The following BEAN1 variants were observed in gnomAD, a reference collection of about 807,000 sequenced individuals.
The protein encoded by BEAN1 is brain expressed associated with NEDD4 1, also known as protein BEAN1.
In BEAN1, 17 loss-of-function variants were observed where a neutral mutation model predicts 17.7. The observed-to-expected ratio is 0.96, with a 90% confidence interval of 0.66 to 1.44. The LOEUF (loss-of-function observed/expected upper bound fraction) is 1.44. BEAN1 is among the 40% of genes most tolerant of loss of function. BEAN1 has a pLI of 0.00. For missense variants in BEAN1, 359 were observed against 374.1 expected (o/e 0.96, Z 0.33); for synonymous variants, 142 against 151.8 (o/e 0.94, Z 0.47).
downstream of BEAN1, among the ~76,000 whole-genome samples, chr16:66,495,096 T>A (rs1314471423): frequency 6.6e-6 from 1 of 152,172 alleles, no homozygotes; most frequent in African/African-American, 2.4e-5. Context: ...CCACACCACT[T>A]TCAGTCCTTA....
At chr16:66,485,010 G>T (rs534749384), downstream of BEAN1, 74 of 454,038 alleles carry the variant, frequency 1.6e-4, no homozygotes, top group Non-Finnish European at 2.6e-4. Flanking sequence ...GGGTCCCCGT[G>T]TATGGGTGTG....
chr16:66,438,010 A>C (rs1298884269), intron 2 of BEAN1: 19 of 441,866 alleles, frequency 4.3e-5, no homozygotes, highest in Admixed American at 3.2e-4. Flanking sequence ...AAAAGACTAC[A>C]TGGCCAAGTA....
intron 2 of BEAN1, among the ~76,000 whole-genome samples, chr16:66,445,935 C>A (rs1049028864): frequency 2.6e-5 from 4 of 152,176 alleles, no homozygotes; most frequent in African/African-American, 9.7e-5. Flanking sequence ...GTAATCCCAG[C>A]ACTTTGGGAG....
intron 2 of BEAN1, among the ~76,000 whole-genome samples, chr16:66,438,718 G>A (rs535739940): frequency 8.5e-5 from 13 of 152,062 alleles, no homozygotes; most frequent in South Asian, 8.3e-4. Context: ...GTCTCCACCC[G>A]CTTGACTCAT....
intron 2 of BEAN1, among the ~76,000 whole-genome samples, chr16:66,444,546 A>C (rs1962374042): frequency 6.6e-6 from 1 of 152,108 alleles, no homozygotes; most frequent in African/African-American, 2.4e-5. Context: ...TGAAATTTGC[A>C]ATTGTTGGCA....
chr16:66,439,686 A>G (rs540895072), intron 2 of BEAN1, among the ~76,000 whole-genome samples: 2 of 152,296 alleles, frequency 1.3e-5, no homozygotes, highest in South Asian at 4.1e-4. Flanking sequence ...CCAAAGACCC[A>G]ATACCTAGCA....
rs1961614216 is a variant in BEAN1 at position 66,427,324 on chromosome 16, C to G, written c.-190C>G. On this transcript the variant is annotated 5_prime_UTR_variant, in exon 1 of 5. Transcript: ENST00000536005. The surrounding 1 kb of genome is among the most constrained non-coding windows in gnomAD (Gnocchi z 4.7). Reference sequence around the variant, plus strand: ...CGCCCGAGCCCGAGCGCAGTGGCCTCCGAGCGGGAACCGGACTGGGAGCCG... The same window carrying G: ...CGCCCGAGCCCGAGCGCAGTGGCCTGCGAGCGGGAACCGGACTGGGAGCCG... The G allele has an allele frequency of 6.6e-6, 1 of 151,308 alleles. No individual in the cohort carries two copies. The highest frequency in any genetic ancestry group is 1.5e-5 in the Non-Finnish European group (1 of 67,882). 9.4% of individuals were successfully genotyped at this position (151,308 alleles called of 1,614,324 possible).
intron 4 of BEAN1, among the ~76,000 whole-genome samples, chr16:66,490,480 T>C (rs1964162509): frequency 1.5e-5 from 2 of 132,138 alleles, no homozygotes; most frequent in African/African-American, 5.3e-5. Flanking sequence ...AACCTCTAAA[T>C]TGATTGAGAT....
At chr16:66,476,926 T>C (rs1017923960) in intron 3 of BEAN1, among the ~76,000 whole-genome samples, 2 of 152,252 alleles carry the variant, frequency 1.3e-5, no homozygotes, top group African/African-American at 2.4e-5. Flanking sequence ...AGACTCATCA[T>C]AGAAGCCCCT....
chr16:66,431,543 GTTCT>G (rs1961800152), intron 1 of BEAN1, among the ~76,000 whole-genome samples: 2 of 151,546 alleles, frequency 1.3e-5, no homozygotes, highest in Admixed American at 6.6e-5. Context: ...ACACATTCGT[GTTCT>G]TTCTGTCTGT....
At chr16:66,490,455 A>AC (rs1964159985) in intron 4 of BEAN1, among the ~76,000 whole-genome samples, 1 of 48,180 alleles carries the variant, frequency 2.1e-5, no homozygotes. Flanking sequence ...AAAATAAAAT[A>AC]ATAAAATAAA....
intron 1 of BEAN1, among the ~76,000 whole-genome samples, chr16:66,435,275 CTT>C (rs1319272721): frequency 6.6e-6 from 1 of 152,212 alleles, no homozygotes; most frequent in African/African-American, 2.4e-5. Flanking sequence ...TCCTCCATCT[CTT>C]CTCTGTGACC....
rs943486309 is a variant in BEAN1, at chr16:66,481,554, G to A, written c.*629G>A. ...GGGACCTGGGTCTGGGGTCTCAGGC[G>A]CAAACTGGAGGCCCTCACAGCCCAC... On this transcript the variant is annotated 3_prime_UTR_variant, in exon 5 of 5. Coordinates refer to ENST00000536005, the MANE Select transcript of BEAN1 (RefSeq NM_001178020.3). The surrounding 1 kb of genome is among the most constrained non-coding windows in gnomAD (Gnocchi z 4.1). The A allele has an allele frequency of 9.1e-5, 25 of 275,896 alleles. No individual in the cohort carries two copies. The highest frequency in any genetic ancestry group is 9.8e-4 in the Middle Eastern group (1 of 1,016). The allele number at this position is 275,896 out of a possible 1,614,324, so 17.1% of individuals were successfully genotyped here.
Position 66,443,279 on chromosome 16 carries a change from T to C in BEAN1, c.25+5578T>C, listed in dbSNP as rs113420798. 4.6e-3 allele frequency among the ~76,000 whole-genome samples: 699 copies of C among 152,352 alleles called. 3 individuals carry two copies. Among genetic ancestry groups the C allele is most frequent in the African/African-American group, 0.015 (633 of 41,590 alleles). ...CAGGTGAAGGATTTACAAGGCCTTA[T>C]GATCATTTCTTTATGTGGCCTCCTT... On this transcript the variant is annotated intron_variant, in intron 2 of 4. Transcript: ENST00000536005.
At chr16:66,474,621 G>GGAGA (rs1963650906) in intron 3 of BEAN1, among the ~76,000 whole-genome samples, 1 of 31,810 alleles carries the variant, frequency 3.1e-5, no homozygotes, top group Non-Finnish European at 7.0e-5. Flanking sequence ...AGGGAGGAAG[G>GGAGA]GAGGGAGGGA....
chr16:66,439,875 C>T (rs549496798), intron 2 of BEAN1, among the ~76,000 whole-genome samples: 20 of 152,138 alleles, frequency 1.3e-4, no homozygotes, highest in Non-Finnish European at 2.8e-4. Flanking sequence ...CAGTGGATTC[C>T]AGGAGCTCAG....
intron 2 of BEAN1, among the ~76,000 whole-genome samples, chr16:66,456,679 G>C (rs1156567225): frequency 1.3e-5 from 2 of 152,204 alleles, no homozygotes; most frequent in African/African-American, 4.8e-5. Context: ...TTTGCCATTT[G>C]CTCTGCAGAA....
chr16:66,494,770 C>A (rs1567516064), downstream of BEAN1, among the ~76,000 whole-genome samples: 1 of 152,226 alleles, frequency 6.6e-6, no homozygotes, highest in South Asian at 2.1e-4. Context: ...GGGGGCACCC[C>A]CTCTACCTGC....
At chr16:66,445,475 CAAAAAAA>C (rs61540693) in intron 2 of BEAN1, among the ~76,000 whole-genome samples, 1 of 49,326 alleles carries the variant, frequency 2.0e-5, no homozygotes, top group African/African-American at 8.1e-5. Flanking sequence ...GACTCCGTCT[CAAAAAAA>C]AAAAAAAAAA....
Sources: allele counts gnomAD v4.1 joint callset (sites outside exome capture counted in the v4.1 genomes callset), GRCh38; gene constraint gnomAD v4.1.1; non-coding constraint Gnocchi (gnomAD v3.1); transcripts MANE v1.5; gene names NCBI Gene and HGNC (gene_info 2026-07-23, HGNC 2026-07-21).